Variants in SUPT20H observed in about 807,000 individuals in gnomAD.
The protein encoded by SUPT20H is SPT20 homolog, SAGA complex component.
SUPT20H carries 82 observed loss-of-function variants against 122.8 expected under a neutral mutation model. The observed-to-expected ratio is 0.67, with a 90% CI of 0.56 to 0.80. The LOEUF (loss-of-function observed/expected upper bound fraction) is 0.80. Ranked by LOEUF, SUPT20H falls within the 30% of genes least tolerant of loss-of-function variation. The probability of loss-of-function intolerance (pLI) is 0.00; values close to 1 mark genes in which losing one functional copy is unlikely to be tolerated. For synonymous variants in SUPT20H, 291 were observed against 313.0 expected, an observed-to-expected ratio of 0.93 and a Z score of 0.74; for missense variants, 831 against 921.6, an observed-to-expected ratio of 0.90 and a Z score of 1.27.
chr13:37,025,465 G>T, intron 16 of SUPT20H, 28 bp from the exon 17 acceptor site: 1 of 1,511,820 alleles, frequency 6.6e-7, no homozygotes, highest in South Asian at 1.2e-5. Flanking sequence ...AACAGGTAAA[G>T]ATTAGAAAAC....
At chr13:37,051,795 CA>C in intron 1 of SUPT20H, 1 of 300,320 alleles carries the variant, frequency 3.3e-6, no homozygotes, top group Non-Finnish European at 6.1e-6. Context: ...CTAGGAAAGG[CA>C]AAACACACTT....
chr13:37,056,416 C>A (rs1651045441), intron 1 of SUPT20H, among the ~76,000 whole-genome samples: 1 of 152,094 alleles, frequency 6.6e-6, no homozygotes. Flanking sequence ...ACATATACAC[C>A]ATGGAATACT....
At position 37,021,469 on chromosome 13, in the gene SUPT20H, T is replaced by C; in HGVS notation, c.1795A>G (p.Met599Val). The change falls in exon 21 of 26, where the codon ATG becomes GTG. Residue 599 changes from methionine to valine, a missense_variant. Transcript: ENST00000350612. ...TGACCTGCTTGAGAAGCTGCCTGCA[T>C]TGCACTGGGCAGTGCATTTGGTAGC... ...GLLPNALPSA[M>V]QAASQAGVPF... is the part of the protein sequence containing the mutation. 2 of 1,611,686 alleles carry C rather than the reference T, an allele frequency of 1.2e-6. No homozygotes were observed. Among genetic ancestry groups the C allele is most frequent in the Non-Finnish European group, 1.7e-6 (2 of 1,178,836 alleles).
Position 37,022,515 on chromosome 13 carries a change from A to C in SUPT20H, c.1592-435T>G. ...ATTACAATTAAGGATGCAGTATATC[A>C]CCTAAAAATCCCATTAAAGATGCTA... On this transcript the variant is annotated intron_variant, in intron 19 of 25. Transcript: ENST00000350612. This position sits in a 1 kb window ranked among gnomAD's most constrained non-coding sequence, Gnocchi z 4.5. 2.4e-6 allele frequency: 3 copies of C among 1,237,952 alleles called. No homozygotes were observed. Among genetic ancestry groups the C allele is most frequent in the Non-Finnish European group, 3.0e-6 (3 of 991,508 alleles). 76.7% of individuals were successfully genotyped at this position (1,237,952 alleles called of 1,614,324 possible).
Position 37,017,243 on chromosome 13 carries a change from A to T in SUPT20H, c.1992+2T>A. The T allele has an allele frequency of 6.2e-7, 1 of 1,614,064 alleles. No homozygotes were observed. Among genetic ancestry groups the T allele is most frequent in the Non-Finnish European group, 8.5e-7 (1 of 1,179,966 alleles). ...GCATATGGAAGGCTAGAAAATCCAT[A>T]CCTGCTCCCCTGGCTGTTGAGGACT... On this transcript the variant is annotated splice_donor_variant, in intron 23 of 25. Coordinates refer to ENST00000350612, the MANE Select transcript of SUPT20H (RefSeq NM_001014286.3). LOFTEE classifies it high-confidence loss of function.
chr13:37,040,331 T>C, intron 9 of SUPT20H, 74 bp downstream of exon 9: 1 of 1,268,590 alleles, frequency 7.9e-7, no homozygotes, highest in African/African-American at 1.5e-5. Context: ...AAGCAGAAAA[T>C]CACTTTTGCT....
chr13:37,045,424 C>T, intron 5 of SUPT20H, 51 bp from the exon 6 acceptor site: 1 of 1,593,226 alleles, frequency 6.3e-7, no homozygotes, highest in Admixed American at 1.8e-5. Context: ...ATAACCTTAA[C>T]AAATAATGCT....
chr13:37,038,388 A>G (rs780050818), intron 9 of SUPT20H: 2 of 152,200 alleles, frequency 1.3e-5, no homozygotes, highest in Admixed American at 6.5e-5. Flanking sequence ...TAAATATTAT[A>G]TTCTCTCCTT....
At position 37,010,469 on chromosome 13, in the gene SUPT20H, A is replaced by G; in HGVS notation, c.2202+83T>C. On this transcript the variant is annotated intron_variant, in intron 25 of 25. Coordinates refer to ENST00000350612, the MANE Select transcript of SUPT20H (RefSeq NM_001014286.3). ...CTGTACAGTCTTAAAAGACAGTAAA[A>G]TAAAACTAAAGCAAGTTATTTTGAG... The G allele has an allele frequency of 2.4e-6, 3 of 1,272,132 alleles. No homozygotes were observed. In the Admixed American group the frequency reaches 5.8e-5, roughly 25 times the overall value. 78.8% of individuals were successfully genotyped at this position (1,272,132 alleles called of 1,614,324 possible). A position where few individuals can be genotyped will look rare whatever the true frequency, so the allele number is the denominator to read the frequency against.
intron 13 of SUPT20H, among the ~76,000 whole-genome samples, chr13:37,028,524 G>C (rs1006638157): frequency 1.3e-5 from 2 of 152,032 alleles, no homozygotes; most frequent in Non-Finnish European, 2.9e-5. Flanking sequence ...ATTTAGTAAA[G>C]CATTAACATA....
At chr13:37,036,542 G>C (rs1396534797) in intron 9 of SUPT20H, among the ~76,000 whole-genome samples, 1 of 151,956 alleles carries the variant, frequency 6.6e-6, no homozygotes, top group South Asian at 2.1e-4. Flanking sequence ...GGATGGTCTC[G>C]ATCTCCTGCC....
intron 9 of SUPT20H, among the ~76,000 whole-genome samples, chr13:37,034,654 T>C (rs937682174): frequency 6.6e-6 from 1 of 152,212 alleles, no homozygotes; most frequent in African/African-American, 2.4e-5. Flanking sequence ...CTAAGATAAC[T>C]GATGAAGGTG....
chr13:37,019,431 G>T, intron 21 of SUPT20H, 34 bp from the exon 22 acceptor site: 5 of 1,476,892 alleles, frequency 3.4e-6, no homozygotes, highest in Non-Finnish European at 4.6e-6. Flanking sequence ...TAACAGAATT[G>T]AAAGTTTATT....
chr13:37,012,155 T>C (rs750176999), intron 24 of SUPT20H, 37 bp downstream of exon 24: 61 of 1,473,396 alleles, frequency 4.1e-5, no homozygotes, highest in Non-Finnish European at 2.8e-6. Flanking sequence ...TAGATATGTT[T>C]AGTAAATTCA....
At chr13:37,044,690 A>C (rs1220126691) in intron 6 of SUPT20H, among the ~76,000 whole-genome samples, 3 of 152,172 alleles carry the variant, frequency 2.0e-5, no homozygotes, top group Non-Finnish European at 4.4e-5. Context: ...AATGAAACTG[A>C]AGTGTTTCTA....
chr13:37,014,726 ATTGT>A (rs1261023865), intron 23 of SUPT20H, among the ~76,000 whole-genome samples: 1 of 152,194 alleles, frequency 6.6e-6, no homozygotes, highest in Non-Finnish European at 1.5e-5. Context: ...TGTAACATTA[ATTGT>A]TTATTTTAGA....
chr13:37,057,325 T>C (rs553171794), intron 1 of SUPT20H, among the ~76,000 whole-genome samples: 1 of 150,950 alleles, frequency 6.6e-6, no homozygotes, highest in Non-Finnish European at 1.5e-5. Flanking sequence ...TAAAAATAAA[T>C]AGAAAACATT....
At chr13:37,045,541 C>A (rs1487386790) in intron 5 of SUPT20H, among the ~76,000 whole-genome samples, 168 bp from the exon 6 acceptor site, 1 of 152,080 alleles carries the variant, frequency 6.6e-6, no homozygotes, top group Non-Finnish European at 1.5e-5. Flanking sequence ...ACGTATGGGA[C>A]AGCTATGTAA....
rs1488149750 is a variant in SUPT20H, at chr13:37,059,648, AC to A, written c.-184del. 3 of 152,322 alleles carry A rather than the reference AC, an allele frequency of 2.0e-5. No individual in the cohort carries two copies. The highest frequency in any genetic ancestry group is 4.4e-5 in the Non-Finnish European group (3 of 68,154). 9.4% of individuals were successfully genotyped at this position (152,322 alleles called of 1,614,324 possible). On this transcript the variant is annotated 5_prime_UTR_variant, in exon 1 of 26. Coordinates refer to ENST00000350612, the MANE Select transcript of SUPT20H (RefSeq NM_001014286.3). ...CGCCCCGTCGGCGGCTCAGTGCTGC[AC>A]CCCCACCAACAGCCAGTTCCGGCGG...
Sources: gnomAD v4.1 joint callset for allele counts (sites outside exome capture counted in the v4.1 genomes callset) on GRCh38, gnomAD v4.1.1 for gene constraint, Gnocchi (gnomAD v3.1) non-coding constraint, MANE v1.5 for transcripts, NCBI Gene and HGNC (gene_info 2026-07-23, HGNC 2026-07-21) for gene names.